TMEM50B: variants seen among roughly 807,000 people sequenced by gnomAD.
TMEM50B encodes HCV p7-trans-regulated protein 3.
A neutral mutation model predicts 23.4 loss-of-function variants in TMEM50B; 14 were observed. The ratio of observed to expected loss-of-function variants is 0.60; its 90% CI spans 0.39 to 0.93. The LOEUF (loss-of-function observed/expected upper bound fraction) is 0.93, where lower values mean the gene tolerates loss of function less well. TMEM50B is among the 40% of genes least tolerant of loss of function. TMEM50B has a pLI of 0.00. For synonymous variants in TMEM50B, 64 were observed against 62.3 expected, an observed-to-expected ratio of 1.03 and a Z score of -0.13; for missense variants, 159 against 193.0, an observed-to-expected ratio of 0.82 and a Z score of 1.04.
intron 1 of TMEM50B, among the ~76,000 whole-genome samples, chr21:33,475,441 G>A (rs902120251): frequency 1.3e-5 from 2 of 152,038 alleles, no homozygotes; most frequent in Middle Eastern, 6.8e-3. Flanking sequence ...CCCGCCTCCT[G>A]GATTCAAGCA....
Position 33,465,388 on chromosome 21 carries a change from A to G in TMEM50B, c.234T>C (p.Ala78=), listed in dbSNP as rs1296259955. 28 of 1,612,650 alleles carry G rather than the reference A, an allele frequency of 1.7e-5. No homozygotes were observed. The highest frequency in any genetic ancestry group is 2.3e-5 in the Non-Finnish European group (27 of 1,179,632). Residue 78 remains alanine (A), a synonymous_variant, in exon 4 of 7, where the codon GCT becomes GCC. Transcript: ENST00000542230. ...AFFMINAVSN[A]QVRGDSYESG... is the part of the protein sequence containing the mutation. ...TTTCATAGCTATCACCTCTCACCTG[A>G]GCATTGGATACAGCATTTATCCTAG...
intron 1 of TMEM50B, among the ~76,000 whole-genome samples, chr21:33,470,045 A>G (rs2084298761): frequency 6.6e-6 from 1 of 152,210 alleles, no homozygotes; most frequent in African/African-American, 2.4e-5. Context: ...TATTTTTAAA[A>G]ACAAAGATAT....
At chr21:33,452,380 G>A (rs2084129980) in intron 6 of TMEM50B, among the ~76,000 whole-genome samples, 1 of 152,150 alleles carries the variant, frequency 6.6e-6, no homozygotes, top group Admixed American at 6.5e-5. Flanking sequence ...ATCTGCAGGG[G>A]GTGCTCCTTC....
At chr21:33,447,754 G>T (rs1240009892), downstream of TMEM50B, among the ~76,000 whole-genome samples, 1 of 150,562 alleles carries the variant, frequency 6.6e-6, no homozygotes, top group African/African-American at 2.4e-5. Flanking sequence ...CAGCCTCTGG[G>T]TTTTTACTCA....
At chr21:33,438,731 C>CA (rs1555882740) in intron 8 of TMEM50B, among the ~76,000 whole-genome samples, 1 of 147,796 alleles carries the variant, frequency 6.8e-6, no homozygotes, top group Non-Finnish European at 1.5e-5. Context: ...AAGAAAGTGG[C>CA]TTTTTTTTTT....
At chr21:33,468,229 G>A (rs1449937002) in intron 2 of TMEM50B, among the ~76,000 whole-genome samples, 1 of 139,634 alleles carries the variant, frequency 7.2e-6, no homozygotes, top group African/African-American at 2.5e-5. Context: ...TTTTATGCCT[G>A]TCATTTTCAA....
intron 6 of TMEM50B, among the ~76,000 whole-genome samples, chr21:33,451,952 T>A (rs2084125511): frequency 6.6e-6 from 1 of 152,058 alleles, no homozygotes; most frequent in Non-Finnish European, 1.5e-5. Context: ...ACCCCAGAGC[T>A]TAGAACAGGT....
Position 33,450,461 on chromosome 21 carries a change from G to T in TMEM50B, c.*357C>A, listed in dbSNP as rs1388565881. On this transcript the variant is annotated 3_prime_UTR_variant, in exon 7 of 7. Transcript: ENST00000542230. ...TCGGCCCGCCTCGGCCTCCCAAAGT[G>T]CTGGGATTACAGGCATGAGCCACCG... is the stretch of plus-strand genomic sequence containing the variant. 1.2e-5 allele frequency: 2 copies of T among 168,708 alleles called. No individual in the cohort carries two copies. Among genetic ancestry groups the T allele is most frequent in the East Asian group, 3.2e-4 (2 of 6,294 alleles). The allele number at this position is 168,708 out of a possible 1,614,324, so 10.5% of individuals were successfully genotyped here. A position where few individuals can be genotyped will look rare whatever the true frequency, so the allele number is the denominator to read the frequency against.
intron 7 of TMEM50B, among the ~76,000 whole-genome samples, chr21:33,439,794 T>C (rs2083992207): frequency 6.6e-6 from 1 of 151,672 alleles, no homozygotes; most frequent in Non-Finnish European, 1.5e-5. Flanking sequence ...ACACCTGTAA[T>C]CCGAGCACTT....
chr21:33,457,904 A>G (rs1312651162), intron 5 of TMEM50B, among the ~76,000 whole-genome samples: 9 of 152,242 alleles, frequency 5.9e-5, no homozygotes, highest in Middle Eastern at 3.4e-3. Context: ...ACCTAGGGTT[A>G]TATTTTTTAA....
chr21:33,436,719 C>CAAA, intron 8 of TMEM50B: 2 of 791,102 alleles, frequency 2.5e-6, no homozygotes, highest in Non-Finnish European at 1.9e-6. Flanking sequence ...GACTCCATCT[C>CAAA]AAAAAAAAAA....
intron 6 of TMEM50B, among the ~76,000 whole-genome samples, chr21:33,453,754 G>A (rs775539269): frequency 6.6e-6 from 1 of 152,096 alleles, no homozygotes; most frequent in African/African-American, 2.4e-5. Flanking sequence ...GATGGGGACA[G>A]AGGCAGATAA....
At chr21:33,434,364 A>C (rs1284041659) in intron 8 of TMEM50B, among the ~76,000 whole-genome samples, 1 of 152,118 alleles carries the variant, frequency 6.6e-6, no homozygotes, top group Admixed American at 6.5e-5. Flanking sequence ...TCTACCAAAA[A>C]TACAAAAATT....
chr21:33,461,986 A>G (rs769175649), intron 4 of TMEM50B, among the ~76,000 whole-genome samples: 6 of 152,178 alleles, frequency 3.9e-5, no homozygotes, highest in Non-Finnish European at 5.9e-5. Context: ...GCAAAAAAAT[A>G]AAACTGTAAC....
At chr21:33,437,401 G>A (rs2083967714) in intron 8 of TMEM50B, 1 of 176,494 alleles carries the variant, frequency 5.7e-6, no homozygotes, top group Non-Finnish European at 1.2e-5. Flanking sequence ...GGCCCTTCAT[G>A]TACATCCATG....
downstream of TMEM50B, among the ~76,000 whole-genome samples, chr21:33,446,099 C>T (rs574725671): frequency 2.0e-3 from 306 of 152,300 alleles, no homozygotes; most frequent in African/African-American, 7.0e-3. Flanking sequence ...AGGCTGGCCA[C>T]AGGCTTTTCC....
chr21:33,440,605 G>A (rs535503676), intron 7 of TMEM50B, among the ~76,000 whole-genome samples: 38 of 151,154 alleles, frequency 2.5e-4, no homozygotes, highest in Non-Finnish European at 4.9e-4. Flanking sequence ...AAAATAGGCC[G>A]GGTGCGGGGG....
intron 1 of TMEM50B, among the ~76,000 whole-genome samples, chr21:33,471,639 C>T (rs533365279): frequency 6.6e-6 from 1 of 151,844 alleles, no homozygotes; most frequent in East Asian, 1.9e-4. Context: ...CTCAGAAGGT[C>T]GAGGCAGGAA....
intron 2 of TMEM50B, chr21:33,468,555 T>C (rs1172270972): frequency 4.5e-6 from 2 of 440,028 alleles, no homozygotes; most frequent in Non-Finnish European, 8.0e-6. Context: ...AATAATTATA[T>C]TATCACTGGA....
Sources: allele counts gnomAD v4.1 joint callset (sites outside exome capture counted in the v4.1 genomes callset), GRCh38; gene constraint gnomAD v4.1.1; transcripts MANE v1.5; gene names NCBI Gene and HGNC (gene_info 2026-07-23, HGNC 2026-07-21).